Variants in ABCC6 observed in about 807,000 individuals in gnomAD.
ABCC6 encodes the protein ATP binding cassette subfamily C member 6, also known as ATP-binding cassette sub-family C member 6.
Under a neutral mutation model 169.5 loss-of-function variants are expected in ABCC6, and 126 were observed. That is an observed-to-expected ratio of 0.74 (90% CI 0.64 to 0.86). ABCC6 has a LOEUF of 0.86. Among genes scored for constraint, ABCC6 ranks in the 40% least tolerant of loss-of-function variants. The pLI, the probability that ABCC6 is intolerant of heterozygous loss-of-function variation, is 0.00. For missense variants in ABCC6, 1,733 were observed against 1,927.2 expected (o/e 0.90, Z 1.89); for synonymous variants, 752 against 814.7 (o/e 0.92, Z 1.31).
chr16:16,188,869 G>C lies in ABCC6; in HGVS notation c.1741C>G (p.Gln581Glu). The change falls in exon 13 of 31, where the codon CAG becomes GAG. Residue 581 changes from glutamine (Q) to glutamate (E), a missense_variant. Around this residue, in one of 5 missense-constraint regions of ABCC6, gnomAD observed 1,601 missense variants for 1,635.5 expected, o/e 0.98. Coordinates refer to ENST00000205557, the MANE Select transcript of ABCC6 (RefSeq NM_001171.6). ...LTVLNILNKA[Q>E]AFLPFSIHSL... ...TGGATGGAGAAGGGCAGGAAAGCCT[G>C]GGCCTTGTTGAGGATGTTGAGAACT... The C allele has an allele frequency of 6.2e-7, 1 of 1,614,172 alleles. No homozygotes were observed. The highest frequency in any genetic ancestry group is 8.5e-7 in the Non-Finnish European group (1 of 1,180,024).
At chr16:16,221,436 T>C in intron 2 of ABCC6, 1 of 1,441,612 alleles carries the variant, frequency 6.9e-7, no homozygotes, top group South Asian at 1.5e-5. Context: ...TGTTTGCGCA[T>C]GCGTGGATTT....
chr16:16,173,220 G>C lies in ABCC6; in HGVS notation c.2787+64C>G. Reference sequence around the variant, plus strand: ...CACTGCCAAGTGCTACATTTGGTGGGAAGACTTGGGCCCCTGGAGGTGGCA... The same window carrying C: ...CACTGCCAAGTGCTACATTTGGTGGCAAGACTTGGGCCCCTGGAGGTGGCA... On this transcript the variant is annotated intron_variant, in intron 21 of 30. Transcript: ENST00000205557. 2.5e-6 allele frequency: 4 copies of C among 1,604,154 alleles called. 1 individual carries two copies. The African/African-American group carries it at 5.4e-5, about 22-fold the overall frequency.
At chr16:16,155,262 A>G (rs377042965) in intron 27 of ABCC6, 3 of 593,922 alleles carry the variant, frequency 5.1e-6, no homozygotes, top group East Asian at 5.7e-5. Flanking sequence ...TCTCTCTCCC[A>G]TCTTTCTCCC....
At chr16:16,210,000 G>A (rs2152291067) in intron 6 of ABCC6, among the ~76,000 whole-genome samples, 1 of 152,192 alleles carries the variant, frequency 6.6e-6, no homozygotes, top group Admixed American at 6.5e-5. Context: ...CAAAGTGTTG[G>A]GATTATGGGT....
chr16:16,208,195 C>T (rs555274712), intron 7 of ABCC6, among the ~76,000 whole-genome samples: 3 of 152,014 alleles, frequency 2.0e-5, no homozygotes, highest in Non-Finnish European at 2.9e-5. Context: ...GTTTGTTCCC[C>T]GTTTGTAGGA....
rs2046912331 is a variant in ABCC6, at chr16:16,167,431, C to CCAAT, written c.2996-1502_2996-1499dup. The stretch of plus-strand genomic sequence containing the variant: ...AATCTAGGGATACTGGTCCCAAGAG[C>CCAAT]CAATCAATTCTCTTGTTGCTTAAAC... On this transcript the variant is annotated intron_variant, in intron 22 of 30. Coordinates refer to ENST00000205557, the MANE Select transcript of ABCC6 (RefSeq NM_001171.6). 3.3e-5 allele frequency among the ~76,000 whole-genome samples: 5 copies of CCAAT among 152,316 alleles called. No individual in the cohort carries two copies. The South Asian group carries it at 1.0e-3, about 32-fold the overall frequency.
At chr16:16,151,336 G>A (rs547520623) in intron 29 of ABCC6, among the ~76,000 whole-genome samples, 8 of 152,202 alleles carry the variant, frequency 5.3e-5, no homozygotes, top group East Asian at 1.9e-4. Flanking sequence ...GATTACAGGC[G>A]TGAGCCACTG....
At chr16:16,166,194 T>C (rs1005596120) in intron 22 of ABCC6, among the ~76,000 whole-genome samples, 2 of 152,032 alleles carry the variant, frequency 1.3e-5, no homozygotes, top group African/African-American at 4.8e-5. Flanking sequence ...GGACCACAGG[T>C]GTACGCCACC....
In ABCC6 at chr16:16,210,119, C is replaced by G. The variant is rs532373317; in HGVS notation, c.663-1260G>C. On this transcript the variant is annotated intron_variant, in intron 6 of 30. Transcript: ENST00000205557. ...CTCTTCTCTAAGCCTTACCAAGTTC[C>G]CTTTTCTTTTTTATTTTTATTCTTT... Among the ~76,000 whole-genome samples, 6 of 151,956 alleles carry G rather than the reference C, an allele frequency of 3.9e-5. No homozygotes were observed. In the East Asian group the frequency reaches 9.7e-4, roughly 25 times the overall value.
At chr16:16,197,231 T>G (rs1327942822) in intron 10 of ABCC6, among the ~76,000 whole-genome samples, 1 of 152,090 alleles carries the variant, frequency 6.6e-6, no homozygotes, top group Non-Finnish European at 1.5e-5. Context: ...ACTTGCCTAC[T>G]GGGTACCCTA....
chr16:16,209,864 A>G (rs1247317440), intron 6 of ABCC6, among the ~76,000 whole-genome samples: 2 of 151,842 alleles, frequency 1.3e-5, no homozygotes, highest in Non-Finnish European at 2.9e-5. Flanking sequence ...CCAAAGTGCT[A>G]GGACTACAGG....
intron 21 of ABCC6, among the ~76,000 whole-genome samples, chr16:16,172,045 T>TA (rs1420243331): frequency 7.2e-6 from 1 of 139,350 alleles, no homozygotes; most frequent in Admixed American, 7.3e-5. Context: ...GATGCATAAA[T>TA]GAGTGGGATG....
intron 22 of ABCC6, among the ~76,000 whole-genome samples, chr16:16,167,849 G>C (rs2152231721): frequency 6.6e-6 from 1 of 152,260 alleles, no homozygotes; most frequent in African/African-American, 2.4e-5. Context: ...CATCTTTAGG[G>C]GAGAGTAAGA....
rs374490625 is a variant in ABCC6 at position 16,177,606 on chromosome 16, G to A, written c.2436C>T (p.His812=). The part of the protein sequence containing the change: ...LQGTTRILVT[H]ALHILPQADW... ...CAGCCTGGGGCAGGATGTGGAGTGC[G>A]TGCGTCACGAGAATCCGTGTCTGGG... The change falls in exon 19 of 31, where the codon CAC becomes CAT. Residue 812 remains histidine, a synonymous_variant. Transcript: ENST00000205557. 13 of 1,614,178 alleles carry A rather than the reference G, an allele frequency of 8.1e-6. No homozygotes were observed. In the South Asian group the frequency reaches 9.9e-5, roughly 12 times the overall value.
At chr16:16,196,649 G>GA (rs1453331180) in intron 10 of ABCC6, among the ~76,000 whole-genome samples, 1 of 152,166 alleles carries the variant, frequency 6.6e-6, no homozygotes, top group Admixed American at 6.5e-5. Flanking sequence ...TAAGTGGTCA[G>GA]AAGGAGGATT....
At chr16:16,215,333 G>T (rs1371254661) in intron 4 of ABCC6, among the ~76,000 whole-genome samples, 2 of 152,130 alleles carry the variant, frequency 1.3e-5, no homozygotes, top group African/African-American at 4.8e-5. Context: ...TGCTCCTGCT[G>T]CCACACCACA....
chr16:16,175,868 T>C, intron 20 of ABCC6, 43 bp downstream of exon 20: 2 of 1,611,578 alleles, frequency 1.2e-6, no homozygotes, highest in South Asian at 1.1e-5. Flanking sequence ...CTACTTCAGC[T>C]TCAGCCTGTG....
chr16:16,189,880 C>T (rs535376185), intron 12 of ABCC6, among the ~76,000 whole-genome samples: 17 of 152,310 alleles, frequency 1.1e-4, no homozygotes, highest in Admixed American at 5.9e-4. Context: ...GATTCTACCT[C>T]TGCCACCCCC....
intron 7 of ABCC6, among the ~76,000 whole-genome samples, chr16:16,204,062 T>C (rs1037121086): frequency 4.2e-5 from 6 of 143,276 alleles, no homozygotes; most frequent in African/African-American, 1.5e-4. Flanking sequence ...TTTCTTTTCC[T>C]TTTTTTTTTT....
Sources: gnomAD v4.1 joint callset for allele counts (sites outside exome capture counted in the v4.1 genomes callset) on GRCh38, gnomAD v4.1.1 for gene constraint, gnomAD v4.1.1 regional missense constraint, MANE v1.5 for transcripts, NCBI Gene and HGNC (gene_info 2026-07-23, HGNC 2026-07-21) for gene names.